Variants in KLHL1 observed in about 807,000 individuals in gnomAD.
KLHL1 encodes kelch-like protein 1.
In KLHL1, 47 loss-of-function variants were observed where a neutral mutation model predicts 77.7. The observed-to-expected ratio is 0.60, with a 90% CI of 0.48 to 0.77. The LOEUF is 0.77. Among genes scored for constraint, KLHL1 ranks in the 30% least tolerant of loss-of-function variants. The pLI is 0.00. For synonymous variants in KLHL1, 360 were observed against 325.2 expected (o/e 1.11, Z -1.15); for missense variants, 925 against 910.8 (o/e 1.02, Z -0.20).
intron 1 of KLHL1, among the ~76,000 whole-genome samples, chr13:70,003,204 T>A (rs1885337703): frequency 6.6e-6 from 1 of 151,708 alleles, no homozygotes; most frequent in Non-Finnish European, 1.5e-5. Context: ...ATTGCACATA[T>A]TTTAAAGATT....
At chr13:69,866,462 AAG>A (rs1880368162) in intron 5 of KLHL1, among the ~76,000 whole-genome samples, 1 of 152,126 alleles carries the variant, frequency 6.6e-6, no homozygotes, top group Non-Finnish European at 1.5e-5. Flanking sequence ...AAGAATCCCA[AAG>A]TTAAAACAAA....
intron 8 of KLHL1, among the ~76,000 whole-genome samples, chr13:69,737,326 G>A (rs918567903): frequency 6.6e-6 from 1 of 152,214 alleles, no homozygotes. Flanking sequence ...TTATGCTCTG[G>A]AAACTCCCAT....
intron 1 of KLHL1, among the ~76,000 whole-genome samples, chr13:69,977,951 T>C (rs1216122761): frequency 6.6e-6 from 1 of 152,094 alleles, no homozygotes; most frequent in Admixed American, 6.6e-5. Flanking sequence ...TTATCTGCAA[T>C]ATATATATTT....
At position 69,824,721 on chromosome 13, in the gene KLHL1, T is replaced by A. The variant is rs191934877; in HGVS notation, c.1414+14255A>T. ...AAACTAACGTAGGTTGAAAAAATAT[T>A]CAAAGGAATAGTTGTCTTTGGAGAT... is the stretch of plus-strand genomic sequence containing the variant. On this transcript the variant is annotated intron_variant, in intron 6 of 10. Coordinates refer to ENST00000377844, the MANE Select transcript of KLHL1 (RefSeq NM_020866.3). Among the ~76,000 whole-genome samples, 4 of 152,230 alleles carry A rather than the reference T, an allele frequency of 2.6e-5. No homozygotes were observed. The East Asian group carries it at 7.7e-4, about 29-fold the overall frequency.
intron 5 of KLHL1, among the ~76,000 whole-genome samples, chr13:69,873,380 TTCTC>T (rs912530572): frequency 7.3e-4 from 111 of 152,158 alleles, no homozygotes; most frequent in African/African-American, 2.5e-3. Context: ...AACAATTCTA[TTCTC>T]TCTCTCTCAA....
chr13:69,990,643 C>A (rs1885006103), intron 1 of KLHL1, among the ~76,000 whole-genome samples: 1 of 151,956 alleles, frequency 6.6e-6, no homozygotes, highest in African/African-American at 2.4e-5. Flanking sequence ...TATATGCACC[C>A]AACACAGGTA....
chr13:69,856,640 G>T (rs1323982136), intron 5 of KLHL1, among the ~76,000 whole-genome samples: 1 of 151,914 alleles, frequency 6.6e-6, no homozygotes, highest in East Asian at 1.9e-4. Flanking sequence ...ACTTTTATCT[G>T]CAATCACCTT....
intron 4 of KLHL1, among the ~76,000 whole-genome samples, chr13:69,922,113 C>T (rs975879414): frequency 1.3e-5 from 2 of 151,574 alleles, no homozygotes; most frequent in African/African-American, 4.9e-5. Flanking sequence ...AATTTATTTG[C>T]CTTCCTTTTT....
At chr13:70,098,460 T>C (rs556704617) in intron 1 of KLHL1, among the ~76,000 whole-genome samples, 3 of 151,984 alleles carry the variant, frequency 2.0e-5, no homozygotes, top group African/African-American at 7.2e-5. Flanking sequence ...TAATGCATGA[T>C]AGTAAGTCAT....
At chr13:69,997,960 A>C (rs1425893729) in intron 1 of KLHL1, among the ~76,000 whole-genome samples, 3 of 151,812 alleles carry the variant, frequency 2.0e-5, no homozygotes, top group Non-Finnish European at 1.5e-5. Context: ...ATTCTTTTGG[A>C]TATATACACA....
intron 4 of KLHL1, among the ~76,000 whole-genome samples, chr13:69,937,453 T>C (rs1288386663): frequency 1.3e-5 from 2 of 152,126 alleles, no homozygotes; most frequent in Non-Finnish European, 2.9e-5. Flanking sequence ...ACTATTCTTG[T>C]TATTCTAATC....
chr13:69,904,662 A>C (rs1881989426), intron 4 of KLHL1, among the ~76,000 whole-genome samples: 1 of 152,188 alleles, frequency 6.6e-6, no homozygotes, highest in Non-Finnish European at 1.5e-5. Context: ...TGAAAACTCA[A>C]ACACAGACAA....
chr13:70,097,038 G>A (rs1314856062), intron 1 of KLHL1, among the ~76,000 whole-genome samples: 1 of 151,968 alleles, frequency 6.6e-6, no homozygotes, highest in Admixed American at 6.6e-5. Flanking sequence ...GTTATTGGAG[G>A]AAAAATACTT....
chr13:69,796,257 T>C (rs1403100045), intron 7 of KLHL1, among the ~76,000 whole-genome samples: 1 of 152,142 alleles, frequency 6.6e-6, no homozygotes, highest in Non-Finnish European at 1.5e-5. Context: ...ATTGATGACA[T>C]TGTCATAGTT....
intron 2 of KLHL1, among the ~76,000 whole-genome samples, chr13:69,970,090 C>T (rs1223950101): frequency 6.6e-6 from 1 of 152,110 alleles, no homozygotes; most frequent in African/African-American, 2.4e-5. Flanking sequence ...GTCTTTAACC[C>T]TCTCACTGCC....
intron 8 of KLHL1, among the ~76,000 whole-genome samples, chr13:69,722,524 C>T (rs1873111608): frequency 6.6e-6 from 1 of 151,574 alleles, no homozygotes; most frequent in Non-Finnish European, 1.5e-5. Flanking sequence ...AAAGAAAATT[C>T]CAGGAGCAAA....
chr13:69,839,044 G>A lies in KLHL1; in HGVS notation c.1346C>T (p.Pro449Leu), dbSNP rs753185463. Reference sequence around the variant, plus strand: ...TGTAGATTTTCTGGGTTTAGTTCTCGGACTTTGCATTAAAGTTCTTCTTTC... The same window carrying A: ...TGTAGATTTTCTGGGTTTAGTTCTCAGACTTTGCATTAAAGTTCTTCTTTC... Reference protein sequence around the residue: ...LPERRTLMQSPRTKPRKSTVG... With the variant: ...LPERRTLMQSLRTKPRKSTVG... Residue 449 changes from proline (P) to leucine (L), a missense_variant, in exon 6 of 11, where the codon CCG becomes CTG. Coordinates refer to ENST00000377844, the MANE Select transcript of KLHL1 (RefSeq NM_020866.3). 8.1e-6 allele frequency: 13 copies of A among 1,610,772 alleles called. No individual in the cohort carries two copies. In the Admixed American group the frequency reaches 1.2e-4, roughly 15 times the overall value.
At chr13:69,716,008 A>G (rs1374886810) in intron 9 of KLHL1, among the ~76,000 whole-genome samples, 2 of 152,154 alleles carry the variant, frequency 1.3e-5, no homozygotes, top group Non-Finnish European at 2.9e-5. Flanking sequence ...CTCTGCCAAG[A>G]TGAGGCAAAT....
At chr13:69,930,856 G>A (rs1247698035) in intron 4 of KLHL1, among the ~76,000 whole-genome samples, 1 of 151,508 alleles carries the variant, frequency 6.6e-6, no homozygotes, top group Non-Finnish European at 1.5e-5. Context: ...TGCTGATACA[G>A]GTGTCTATTT....
Sources: allele counts gnomAD v4.1 joint callset (sites outside exome capture counted in the v4.1 genomes callset), GRCh38; gene constraint gnomAD v4.1.1; transcripts MANE v1.5; gene names NCBI Gene and HGNC (gene_info 2026-07-23, HGNC 2026-07-21).